Variants in TMEM238 observed in about 807,000 individuals in gnomAD.
TMEM238 encodes the protein transmembrane protein 238.
For synonymous variants in TMEM238, 103 were observed against 111.5 expected, an observed-to-expected ratio of 0.92 and a Z score of 0.48; for missense variants, 169 against 206.8, an observed-to-expected ratio of 0.82 and a Z score of 1.12.
At position 55,384,223 on chromosome 19, in the gene TMEM238, T is replaced by A; in HGVS notation, c.37A>T (p.Ser13Cys). Reference sequence around the variant, plus strand: ...GGCGCGGACGGTGCACCCGGCGGGCTCCCCTGCGAGGCGCACACCGCTGGC... The same window carrying A: ...GGCGCGGACGGTGCACCCGGCGGGCACCCCTGCGAGGCGCACACCGCTGGC... The part of the protein sequence containing the change: ...AAPAVCASQG[S>C]PPGAPSAPAA... Residue 13 changes from serine (S) to cysteine (C), a missense_variant, in exon 1 of 2, where the codon AGC (serine) becomes TGC (cysteine). Coordinates refer to ENST00000444469, the MANE Select transcript of TMEM238 (RefSeq NM_001190764.2). The surrounding 1 kb of genome is among the most constrained non-coding windows in gnomAD (Gnocchi z 5.6). 8.8e-7 allele frequency: 1 copy of A among 1,138,830 alleles called. No homozygotes were observed. The allele number at this position is 1,138,830 out of a possible 1,614,324, so 70.5% of individuals were successfully genotyped here.
At position 55,384,073 on chromosome 19, in the gene TMEM238, G is replaced by A; in HGVS notation, c.187C>T (p.Arg63Cys). Reference sequence around the variant, plus strand: ...AGCAGGTCCCCGAAGTCGCGGCCGCGCACCTGCAGCTGCGCGAACACGCCG... The same window carrying A: ...AGCAGGTCCCCGAAGTCGCGGCCGCACACCTGCAGCTGCGCGAACACGCCG... ...LTGVFAQLQV[R>C]GRDFGDLLIY... is the part of the protein sequence containing the mutation. Residue 63 changes from arginine to cysteine, a missense_variant, in exon 1 of 2, where the codon CGC (arginine) becomes TGC (cysteine). Coordinates refer to ENST00000444469, the MANE Select transcript of TMEM238 (RefSeq NM_001190764.2). This position sits in a 1 kb window ranked among gnomAD's most constrained non-coding sequence, Gnocchi z 5.6. 3 of 1,476,146 alleles carry A rather than the reference G, an allele frequency of 2.0e-6. No individual in the cohort carries two copies. The highest frequency in any genetic ancestry group is 2.7e-5 in the East Asian group (1 of 36,944). 91.4% of individuals were successfully genotyped at this position (1,476,146 alleles called of 1,614,324 possible).
intron 1 of TMEM238, among the ~76,000 whole-genome samples, chr19:55,382,835 T>C (rs2089891685): frequency 6.6e-6 from 1 of 152,300 alleles, no homozygotes; most frequent in African/African-American, 2.4e-5. Context: ...TGTTGGTCCT[T>C]CTTACTCCTC....
chr19:55,382,675 C>A (rs903040343), intron 1 of TMEM238, among the ~76,000 whole-genome samples: 1 of 152,070 alleles, frequency 6.6e-6, no homozygotes, highest in Non-Finnish European at 1.5e-5. Flanking sequence ...GGTCCACAGG[C>A]CAGTGAGTGC....
At position 55,384,264 on chromosome 19, in the gene TMEM238, C is replaced by T. The variant is rs1252826723; in HGVS notation, c.-5G>A. 11 of 1,083,950 alleles carry T rather than the reference C, an allele frequency of 1.0e-5. No individual in the cohort carries two copies. The highest frequency in any genetic ancestry group is 1.1e-5 in the Non-Finnish European group (10 of 894,892). 67.1% of individuals were successfully genotyped at this position (1,083,950 alleles called of 1,614,324 possible). A position where few individuals can be genotyped will look rare whatever the true frequency, so the allele number is the denominator to read the frequency against. ...CACCGCTGGCGCCGCCGCCATGGCC[C>T]TGCACCGCCGCCGCTGGCGCCCAGA... On this transcript the variant is annotated 5_prime_UTR_variant, in exon 1 of 2. Transcript: ENST00000444469. This position sits in a 1 kb window ranked among gnomAD's most constrained non-coding sequence, Gnocchi z 5.6.
chr19:55,383,098 G>C lies in TMEM238; in HGVS notation c.*7+624C>G, dbSNP rs1169734538. 5.9e-5 allele frequency among the ~76,000 whole-genome samples: 9 copies of C among 151,848 alleles called. No individual in the cohort carries two copies. The highest frequency in any genetic ancestry group is 9.7e-5 in the African/African-American group (4 of 41,308). On this transcript the variant is annotated intron_variant, in intron 1 of 1. Transcript: ENST00000444469. The surrounding 1 kb of genome is among the most constrained non-coding windows in gnomAD (Gnocchi z 4.9). ...GAGAGGATTAAATGGGGCCTGGTCT[G>C]GGCTCAGTGGCTCACGCCTGTAATC...
chr19:55,381,626 A>G (rs534515732), intron 1 of TMEM238, among the ~76,000 whole-genome samples: 52 of 151,988 alleles, frequency 3.4e-4, no homozygotes, highest in Non-Finnish European at 5.4e-4. Flanking sequence ...TCACCCATCT[A>G]CCTATCTATC....
intron 1 of TMEM238, among the ~76,000 whole-genome samples, chr19:55,380,635 G>C (rs182167051): frequency 2.3e-4 from 35 of 151,424 alleles, no homozygotes; most frequent in African/African-American, 8.2e-4. Context: ...ATGGTTGCCA[G>C]GTTGGTCTCG....
intron 1 of TMEM238, among the ~76,000 whole-genome samples, chr19:55,379,716 G>A (rs1312266052): frequency 5.3e-5 from 8 of 152,094 alleles, no homozygotes; most frequent in Admixed American, 5.2e-4. Flanking sequence ...GAGAGAGGGA[G>A]ACAGGCAGAC....
At chr19:55,382,040 C>T (rs1221593033) in intron 1 of TMEM238, among the ~76,000 whole-genome samples, 1 of 151,338 alleles carries the variant, frequency 6.6e-6, no homozygotes, top group East Asian at 1.9e-4. Context: ...CCCATCTGTC[C>T]ATTCACCCGT....
intron 1 of TMEM238, among the ~76,000 whole-genome samples, chr19:55,382,632 G>A (rs2089890963): frequency 6.6e-6 from 1 of 152,194 alleles, no homozygotes; most frequent in African/African-American, 2.4e-5. Context: ...CATTAGTGCA[G>A]AGAGGCAGGA....
intron 1 of TMEM238, among the ~76,000 whole-genome samples, chr19:55,381,786 C>T (rs920066180): frequency 6.6e-6 from 1 of 152,158 alleles, no homozygotes; most frequent in Non-Finnish European, 1.5e-5. Flanking sequence ...TTCTTTTGTT[C>T]AGTAGGAGTC....
At chr19:55,381,971 G>C (rs768939506) in intron 1 of TMEM238, among the ~76,000 whole-genome samples, 1 of 151,770 alleles carries the variant, frequency 6.6e-6, no homozygotes, top group Non-Finnish European at 1.5e-5. Context: ...CCATCCATCC[G>C]TCAATCCAAC....
chr19:55,381,039 G>A (rs1019630174), intron 1 of TMEM238, among the ~76,000 whole-genome samples: 4 of 152,150 alleles, frequency 2.6e-5, no homozygotes, highest in African/African-American at 9.7e-5. Context: ...CTGAATCACG[G>A]CACGTAGCAT....
intron 1 of TMEM238, among the ~76,000 whole-genome samples, chr19:55,380,137 TG>T (rs2089879077): frequency 6.6e-6 from 1 of 151,920 alleles, no homozygotes; most frequent in Non-Finnish European, 1.5e-5. Flanking sequence ...GTCCTGGGTT[TG>T]AACAGGCCCA....
chr19:55,379,585 C>G (rs892381943), intron 1 of TMEM238, among the ~76,000 whole-genome samples: 1 of 152,058 alleles, frequency 6.6e-6, no homozygotes, highest in South Asian at 2.1e-4. Context: ...GGGTAGAGGC[C>G]AGGGAATGCG....
chr19:55,382,970 G>T lies in TMEM238; in HGVS notation c.*7+752C>A, dbSNP rs115388686. Among the ~76,000 whole-genome samples, 1,109 of 152,294 alleles carry T rather than the reference G, an allele frequency of 7.3e-3. 15 individuals carry two copies. The highest frequency in any genetic ancestry group is 0.025 in the African/African-American group (1,056 of 41,558). On this transcript the variant is annotated intron_variant, in intron 1 of 1. Transcript: ENST00000444469. ...GGAGAATCCCAGCTCCTCCACCTACGTGTTGTGTGGCCTTGGGCAAATGTG... is the reference window on the plus strand; with the variant it reads ...GGAGAATCCCAGCTCCTCCACCTACTTGTTGTGTGGCCTTGGGCAAATGTG...
At chr19:55,382,997 C>T (rs915220605) in intron 1 of TMEM238, among the ~76,000 whole-genome samples, 2 of 152,202 alleles carry the variant, frequency 1.3e-5, no homozygotes, top group African/African-American at 4.8e-5. Context: ...GCAAATGTGG[C>T]GCCTTTCTGC....
Position 55,383,094 on chromosome 19 carries a change from G to T in TMEM238, c.*7+628C>A, listed in dbSNP as rs149346383. The stretch of plus-strand genomic sequence containing the variant: ...CATGGAGAGGATTAAATGGGGCCTG[G>T]TCTGGGCTCAGTGGCTCACGCCTGT... On this transcript the variant is annotated intron_variant, in intron 1 of 1. Transcript: ENST00000444469. The surrounding 1 kb of genome is among the most constrained non-coding windows in gnomAD (Gnocchi z 4.9). Among the ~76,000 whole-genome samples, 25 of 152,344 alleles carry T rather than the reference G, an allele frequency of 1.6e-4. No homozygotes were observed. The East Asian group carries it at 3.1e-3, about 19-fold the overall frequency.
chr19:55,383,922 G>T lies in TMEM238; in HGVS notation c.338C>A (p.Ala113Asp), dbSNP rs2089896741. The T allele has an allele frequency of 7.9e-7, 1 of 1,265,362 alleles. No individual in the cohort carries two copies. The highest frequency in any genetic ancestry group is 1.6e-5 in the African/African-American group (1 of 63,922). The allele number at this position is 1,265,362 out of a possible 1,614,324, so 78.4% of individuals were successfully genotyped here. The change falls in exon 1 of 2, where the codon GCC (alanine) becomes GAC (aspartate). Residue 113 changes from alanine (A) to aspartate (D), a missense_variant. Ala to Asp is a moderately radical substitution (Grantham distance 126). Coordinates refer to ENST00000444469, the MANE Select transcript of TMEM238 (RefSeq NM_001190764.2). The surrounding 1 kb of genome is among the most constrained non-coding windows in gnomAD (Gnocchi z 4.9). ...RDYGLRPSAL[A>D]RLARKLSRRW... ...GCGGGAGAGCTTGCGCGCCAGGCGG[G>T]CGAGCGCCGAGGGCCGCAGGCCGTA...
Sources: allele counts gnomAD v4.1 joint callset (sites outside exome capture counted in the v4.1 genomes callset), GRCh38; gene constraint gnomAD v4.1.1; non-coding constraint Gnocchi (gnomAD v3.1); transcripts MANE v1.5; gene names NCBI Gene and HGNC (gene_info 2026-07-23, HGNC 2026-07-21).